The following CBFA2T3 variants were observed in gnomAD, a reference collection of about 807,000 sequenced individuals.
CBFA2T3 encodes the protein transcriptional corepressor CBFA2T3.
In CBFA2T3, 31 loss-of-function variants were observed where a neutral mutation model predicts 58.6. The ratio of observed to expected loss-of-function variants is 0.53; its 90% confidence interval spans 0.40 to 0.71. CBFA2T3 has a LOEUF of 0.71. Ranked by LOEUF, CBFA2T3 falls within the 30% of genes least tolerant of loss-of-function variation. The pLI, the probability that CBFA2T3 is intolerant of heterozygous loss-of-function variation, is 0.00. For missense variants in CBFA2T3, 1,076 were observed against 963.1 expected (o/e 1.12, Z -1.55); for synonymous variants, 531 against 421.9 (o/e 1.26, Z -3.17).
In CBFA2T3 at chr16:88,881,301, C is replaced by CT. The variant is rs1311045827; in HGVS notation, c.1391_1392insA (p.Pro465AlafsTer20). On this transcript the variant is annotated frameshift_variant, in exon 9 of 12. Transcript: ENST00000268679. LOFTEE classifies it high-confidence loss of function. ...ACACCCCACACGCACCTAGCTGAGG[C>CT]CCTTCGGGACCGGCGGAGCTGCTGC... The CT allele has an allele frequency of 6.3e-7, 1 of 1,590,814 alleles. No homozygotes were observed. The highest frequency in any genetic ancestry group is 8.5e-7 in the Non-Finnish European group (1 of 1,169,876).
chr16:88,963,070 G>C (rs1972407236), intron 1 of CBFA2T3, among the ~76,000 whole-genome samples: 1 of 152,206 alleles, frequency 6.6e-6, no homozygotes, highest in Admixed American at 6.5e-5. Flanking sequence ...CAGGGGCCCT[G>C]GGCAGATGCG....
At chr16:88,933,776 C>T (rs1033617117) in intron 1 of CBFA2T3, among the ~76,000 whole-genome samples, 4 of 136,284 alleles carry the variant, frequency 2.9e-5, no homozygotes, top group Admixed American at 7.2e-5. Context: ...CAGTGCCACA[C>T]GTCTGCGTCC....
intron 2 of CBFA2T3, among the ~76,000 whole-genome samples, chr16:88,900,799 G>A (rs527374527): frequency 6.6e-6 from 1 of 152,356 alleles, no homozygotes; most frequent in African/African-American, 2.4e-5. Flanking sequence ...GGCTCTGCGG[G>A]TGACTGTGAT....
At chr16:88,888,988 G>A (rs1249554846) in intron 5 of CBFA2T3, among the ~76,000 whole-genome samples, 3 of 152,036 alleles carry the variant, frequency 2.0e-5, no homozygotes, top group Admixed American at 6.5e-5. Flanking sequence ...GACAGGGGCC[G>A]TAGGCCTGGT....
At position 88,879,474 on chromosome 16, in the gene CBFA2T3, G is replaced by A. The variant is rs1375970675; in HGVS notation, c.1472-14C>T. 5 of 1,599,962 alleles carry A rather than the reference G, an allele frequency of 3.1e-6. No homozygotes were observed. The South Asian group carries it at 3.3e-5, about 11-fold the overall frequency. ...TCACGGCCTCTTCTGCAAAGGACATGGGCAGGGCTGGCGGTCACATGGGCC... is the reference window on the plus strand; with the variant it reads ...TCACGGCCTCTTCTGCAAAGGACATAGGCAGGGCTGGCGGTCACATGGGCC... On this transcript the variant is annotated splice_polypyrimidine_tract_variant and intron_variant, in intron 10 of 11. Transcript: ENST00000268679.
Position 88,874,934 on chromosome 16 carries a change from A to C in CBFA2T3, c.*2042T>G. Reference sequence around the variant, plus strand: ...TATCATTTGGACCTCTGCAAAGACTATATACATTCACATTAACGTACACGC... The same window carrying C: ...TATCATTTGGACCTCTGCAAAGACTCTATACATTCACATTAACGTACACGC... On this transcript the variant is annotated 3_prime_UTR_variant, in exon 12 of 12. Coordinates refer to ENST00000268679, the MANE Select transcript of CBFA2T3 (RefSeq NM_005187.6). The C allele has an allele frequency of 8.6e-6, 2 of 233,100 alleles. No individual in the cohort carries two copies. Among genetic ancestry groups the C allele is most frequent in the Non-Finnish European group, 1.7e-5 (2 of 117,686 alleles). 14.4% of individuals were successfully genotyped at this position (233,100 alleles called of 1,614,324 possible). A position where few individuals can be genotyped will look rare whatever the true frequency, so the allele number is the denominator to read the frequency against.
chr16:88,901,848 G>C (rs558053658), intron 1 of CBFA2T3, among the ~76,000 whole-genome samples, 192 bp from the exon 2 acceptor site: 5 of 152,160 alleles, frequency 3.3e-5, no homozygotes, highest in Non-Finnish European at 7.4e-5. Flanking sequence ...GCCGGAGGAC[G>C]GGCTTGGGCC....
intron 2 of CBFA2T3, among the ~76,000 whole-genome samples, chr16:88,899,969 G>A (rs928824676): frequency 3.9e-5 from 6 of 152,330 alleles, no homozygotes; most frequent in East Asian, 3.9e-4. Flanking sequence ...GGGCTCTTCC[G>A]AAGAGAGGGA....
intron 1 of CBFA2T3, among the ~76,000 whole-genome samples, chr16:88,975,221 T>A (rs12918578): frequency 0.025 from 2,210 of 87,004 alleles, 41 homozygotes; most frequent in South Asian, 0.066. Flanking sequence ...CCTCTGCTCC[T>A]CACCTGCAGC....
At chr16:88,976,453 A>G (rs7188793) in intron 1 of CBFA2T3, among the ~76,000 whole-genome samples, 104,440 of 152,034 alleles carry the variant, frequency 0.69, 36,157 homozygotes, top group Non-Finnish European at 0.72. Flanking sequence ...CACCTGCCAA[A>G]CCCTCACCAG....
chr16:88,897,888 G>C (rs916375890), intron 3 of CBFA2T3, among the ~76,000 whole-genome samples, 190 bp downstream of exon 3: 1 of 152,216 alleles, frequency 6.6e-6, no homozygotes. Flanking sequence ...GGGATGCAGC[G>C]ACCCGGCGGC....
At chr16:88,918,332 G>A (rs1292095590) in intron 1 of CBFA2T3, among the ~76,000 whole-genome samples, 2 of 152,222 alleles carry the variant, frequency 1.3e-5, no homozygotes, top group Non-Finnish European at 2.9e-5. Context: ...CCCCACCATG[G>A]CCTGGGCCCT....
chr16:88,891,509 C>A (rs1969628604), intron 5 of CBFA2T3, among the ~76,000 whole-genome samples: 1 of 152,224 alleles, frequency 6.6e-6, no homozygotes, highest in Non-Finnish European at 1.5e-5. Flanking sequence ...GAGCCTTGCC[C>A]CCACACTGGC....
At chr16:88,888,606 A>T (rs1008666844) in intron 5 of CBFA2T3, among the ~76,000 whole-genome samples, 1 of 3,690 alleles carries the variant, frequency 2.7e-4, no homozygotes, top group African/African-American at 1.4e-3. Flanking sequence ...GGTGGGTGGG[A>T]GGGGTGGGGT....
intron 1 of CBFA2T3, among the ~76,000 whole-genome samples, chr16:88,928,073 C>T (rs1354362892): frequency 6.6e-6 from 1 of 152,226 alleles, no homozygotes; most frequent in Middle Eastern, 3.2e-3. Flanking sequence ...TGAACCCCAG[C>T]AGGGAAGGCC....
rs140378954 is a variant in CBFA2T3 at position 88,885,438 on chromosome 16, C to A, written c.894-169G>T. Among the ~76,000 whole-genome samples, 1,166 of 152,190 alleles carry A rather than the reference C, an allele frequency of 7.7e-3. 9 individuals are homozygous for A. The highest frequency in any genetic ancestry group is 0.027 in the African/African-American group (1,113 of 41,488). On this transcript the variant is annotated intron_variant, in intron 6 of 11. Transcript: ENST00000268679. The surrounding 1 kb of genome is among the most constrained non-coding windows in gnomAD (Gnocchi z 5.3). ...AGCCCCGGGAAGCCCAGCCCGGCGCCCCCACTCTCTGCCCCTCTGCCGGGG... is the reference window on the plus strand; with the variant it reads ...AGCCCCGGGAAGCCCAGCCCGGCGCACCCACTCTCTGCCCCTCTGCCGGGG...
At position 88,874,946 on chromosome 16, in the gene CBFA2T3, A is replaced by G. The variant is rs778050040; in HGVS notation, c.*2030T>C. On this transcript the variant is annotated 3_prime_UTR_variant, in exon 12 of 12. Transcript: ENST00000268679. ...CTCTGCAAAGACTATATACATTCAC[A>G]TTAACGTACACGCTCAGCTTCAGGC... 13 of 233,174 alleles carry G rather than the reference A, an allele frequency of 5.6e-5. No individual in the cohort carries two copies. The highest frequency in any genetic ancestry group is 1.0e-4 in the Non-Finnish European group (12 of 117,786). 14.4% of individuals were successfully genotyped at this position (233,174 alleles called of 1,614,324 possible).
At chr16:88,897,973 C>T in intron 3 of CBFA2T3, 105 bp downstream of exon 3, 3 of 837,284 alleles carry the variant, frequency 3.6e-6, no homozygotes, top group Non-Finnish European at 4.1e-6. Context: ...GGTGCGGAGG[C>T]CGGGGAGGAG....
At chr16:88,893,842 C>T (rs975294080) in intron 3 of CBFA2T3, among the ~76,000 whole-genome samples, 9 of 152,188 alleles carry the variant, frequency 5.9e-5, no homozygotes, top group Admixed American at 6.5e-5. Context: ...CCCTCCTGCG[C>T]CTGGGACACC....
Sources: gnomAD v4.1 joint callset for allele counts (sites outside exome capture counted in the v4.1 genomes callset) on GRCh38, gnomAD v4.1.1 for gene constraint, Gnocchi (gnomAD v3.1) non-coding constraint, MANE v1.5 for transcripts, NCBI Gene and HGNC (gene_info 2026-07-23, HGNC 2026-07-21) for gene names.